The following RNF6 variants were observed in gnomAD, a reference collection of about 807,000 sequenced individuals.
RNF6 encodes the protein ring finger protein 6, also known as E3 ubiquitin-protein ligase RNF6.
Under a neutral mutation model 50.1 loss-of-function variants are expected in RNF6, and 21 were observed. That is an observed-to-expected ratio of 0.42 (90% CI 0.30 to 0.60). The LOEUF is 0.60. Ranked by LOEUF, RNF6 falls within the 20% of genes least tolerant of loss-of-function variation. The probability of loss-of-function intolerance (pLI) is 0.20; values close to 1 mark genes in which losing one functional copy is unlikely to be tolerated. For missense variants in RNF6, 698 were observed against 838.2 expected (o/e 0.83, Z 2.07); for synonymous variants, 255 against 291.8 (o/e 0.87, Z 1.29).
chr13:26,172,934 T>TAA (rs199684096), intron 5 of RNF6, among the ~76,000 whole-genome samples: 1 of 150,622 alleles, frequency 6.6e-6, no homozygotes, highest in Non-Finnish European at 1.5e-5. Flanking sequence ...TAGAAATTAC[T>TAA]AAAAAAAAAT....
intron 5 of RNF6, among the ~76,000 whole-genome samples, chr13:26,160,196 T>C (rs1255137530): frequency 6.6e-6 from 1 of 152,206 alleles, no homozygotes; most frequent in Non-Finnish European, 1.5e-5. Flanking sequence ...ATCTACTTAG[T>C]ATCAAAATTG....
intron 5 of RNF6, among the ~76,000 whole-genome samples, chr13:26,170,350 C>T (rs1289205609): frequency 6.6e-6 from 1 of 152,100 alleles, no homozygotes; most frequent in Non-Finnish European, 1.5e-5. Flanking sequence ...CACTTTGTTA[C>T]CGAAGAATTT....
chr13:26,187,227 G>A (rs1873595986), intron 5 of RNF6, among the ~76,000 whole-genome samples: 1 of 152,230 alleles, frequency 6.6e-6, no homozygotes, highest in South Asian at 2.1e-4. Flanking sequence ...GCGACGTGGG[G>A]CGTCCTAGCC....
Position 26,214,450 on chromosome 13 carries a change from C to T in RNF6, c.1432G>A (p.Val478Met), listed in dbSNP as rs1437407995. ...SENELVEPSS[V>M]ALRSILRQIM... ...TGCCTTAAAATTGACCGAAGAGCCA[C>T]TGATGATGGCTCAACAAGCTCATTC... is the stretch of plus-strand genomic sequence containing the variant. Residue 478 changes from valine to methionine, a missense_variant, in exon 5 of 5, where the codon GTG becomes ATG. Val to Met is a conservative substitution (Grantham distance 21). Coordinates refer to ENST00000381588, the MANE Select transcript of RNF6 (RefSeq NM_005977.4). 3 of 1,614,062 alleles carry T rather than the reference C, an allele frequency of 1.9e-6. No individual in the cohort carries two copies. The highest frequency in any genetic ancestry group is 2.5e-6 in the Non-Finnish European group (3 of 1,180,054).
chr13:26,176,494 G>C (rs1034726294), intron 5 of RNF6, among the ~76,000 whole-genome samples: 1 of 152,308 alleles, frequency 6.6e-6, no homozygotes, highest in South Asian at 2.1e-4. Context: ...GGATTGAATT[G>C]TGTCCTTCAA....
rs140801203 is a variant in RNF6, at chr13:26,214,201, G to A, written c.1681C>T (p.Arg561Ter). The change falls in exon 5 of 5, where the codon CGA becomes TGA. Residue 561 changes from arginine to a stop codon, truncating the protein, a stop_gained. Transcript: ENST00000381588. LOFTEE classifies it high-confidence loss of function. Reference sequence around the variant, plus strand: ...CTGCCACCCCTACTGTCACTGTTTCGAGTATGAGGCTGGGTGGTCTCGTTT... The same window carrying A: ...CTGCCACCCCTACTGTCACTGTTTCAAGTATGAGGCTGGGTGGTCTCGTTT... The part of the protein sequence containing the change: ...GENETTQPHT[R>*]NSDSRGGRQL... 4 of 1,614,148 alleles carry A rather than the reference G, an allele frequency of 2.5e-6. No homozygotes were observed. The highest frequency in any genetic ancestry group is 1.7e-6 in the Non-Finnish European group (2 of 1,180,024).
chr13:26,157,774 A>G (rs553584832), intron 5 of RNF6, among the ~76,000 whole-genome samples: 1 of 152,320 alleles, frequency 6.6e-6, no homozygotes, highest in Admixed American at 6.5e-5. Context: ...AGATTATTTG[A>G]CACTTGTATA....
rs906269297 is a variant in RNF6, at chr13:26,171,175, A to G, written n.769-38724T>C. Among the ~76,000 whole-genome samples, 3 of 152,346 alleles carry G rather than the reference A, an allele frequency of 2.0e-5. No individual in the cohort carries two copies. The South Asian group carries it at 6.2e-4, about 32-fold the overall frequency. ...TGTATCTGATAAGAGCTTAATTTCT[A>G]TAATATATTAAAATCTCCTACAGCT... On this transcript the variant is annotated intron_variant and non_coding_transcript_variant, in intron 5 of 5. Transcript: ENST00000468480.
chr13:26,155,163 G>A (rs1871847118), intron 5 of RNF6, among the ~76,000 whole-genome samples: 1 of 151,996 alleles, frequency 6.6e-6, no homozygotes. Flanking sequence ...TTTAAATCTG[G>A]GAGGCTGAGG....
At chr13:26,173,941 C>T (rs1193394656) in intron 5 of RNF6, among the ~76,000 whole-genome samples, 2 of 120,418 alleles carry the variant, frequency 1.7e-5, no homozygotes, top group Non-Finnish European at 3.4e-5. Flanking sequence ...CAGAGCGAGA[C>T]TCCGTCTCAA....
intron 5 of RNF6, among the ~76,000 whole-genome samples, chr13:26,163,008 T>G (rs950584191): frequency 3.9e-5 from 6 of 152,168 alleles, no homozygotes; most frequent in Admixed American, 3.3e-4. Context: ...TATCTCTGAG[T>G]TTCAACAATT....
In RNF6 at chr13:26,218,167, A is replaced by C. The variant is rs188693203; in HGVS notation, c.289+344T>G. Among the ~76,000 whole-genome samples, 639 of 152,324 alleles carry C rather than the reference A, an allele frequency of 4.2e-3. 16 individuals are homozygous for C. The highest frequency in any genetic ancestry group is 9.1e-4 in the Non-Finnish European group (62 of 68,030). ...AGGTTTCCTAACTCAGTCTTTCTACACGGTTCTGTATATAAATTTTTAGAA... is the reference window on the plus strand; with the variant it reads ...AGGTTTCCTAACTCAGTCTTTCTACCCGGTTCTGTATATAAATTTTTAGAA... On this transcript the variant is annotated intron_variant, in intron 4 of 4. Coordinates refer to ENST00000381588, the MANE Select transcript of RNF6 (RefSeq NM_005977.4).
chr13:26,220,168 C>T (rs907801638), intron 2 of RNF6, among the ~76,000 whole-genome samples: 2 of 152,204 alleles, frequency 1.3e-5, no homozygotes, highest in Non-Finnish European at 2.9e-5. Flanking sequence ...CCCCACTGCA[C>T]TTTGATGAGG....
rs1870285402 is a variant in RNF6, at chr13:26,219,765, G to A, written c.-18-98C>T. Reference sequence around the variant, plus strand: ...CAGTTTTTCTTAATTTTTAAATGTTGTCCCCTACCCAAATACTGTATTTGC... The same window carrying A: ...CAGTTTTTCTTAATTTTTAAATGTTATCCCCTACCCAAATACTGTATTTGC... On this transcript the variant is annotated intron_variant, in intron 2 of 4. Coordinates refer to ENST00000381588, the MANE Select transcript of RNF6 (RefSeq NM_005977.4). 4 of 1,076,162 alleles carry A rather than the reference G, an allele frequency of 3.7e-6. No homozygotes were observed. The East Asian group carries it at 9.6e-5, about 26-fold the overall frequency. 66.7% of individuals were successfully genotyped at this position (1,076,162 alleles called of 1,614,324 possible).
chr13:26,149,431 C>CA (rs1167233641), intron 5 of RNF6, among the ~76,000 whole-genome samples: 1 of 151,834 alleles, frequency 6.6e-6, no homozygotes, highest in African/African-American at 2.4e-5. Flanking sequence ...ACTAAAAATA[C>CA]AAAAAATTAG....
At chr13:26,139,144 C>T (rs868515527) in intron 5 of RNF6, among the ~76,000 whole-genome samples, 1 of 152,186 alleles carries the variant, frequency 6.6e-6, no homozygotes, top group Non-Finnish European at 1.5e-5. Context: ...GGGGGCTCAC[C>T]TTTTATATGC....
At chr13:26,196,796 TTAAG>T (rs1471041503) in intron 5 of RNF6, among the ~76,000 whole-genome samples, 1 of 151,714 alleles carries the variant, frequency 6.6e-6, no homozygotes, top group Non-Finnish European at 1.5e-5. Flanking sequence ...ACCAGAAATG[TTAAG>T]TAGGTAGGTA....
At chr13:26,184,016 A>AT (rs1873382652) in intron 5 of RNF6, among the ~76,000 whole-genome samples, 1 of 38,570 alleles carries the variant, frequency 2.6e-5, no homozygotes, top group African/African-American at 1.1e-4. Flanking sequence ...ATATATATAT[A>AT]TATTTTTTTT....
intron 5 of RNF6, among the ~76,000 whole-genome samples, chr13:26,133,058 G>C (rs1323013631): frequency 6.6e-6 from 1 of 152,134 alleles, no homozygotes; most frequent in East Asian, 1.9e-4. Context: ...CAGCTTTACA[G>C]ACAGAGAAGA....
Sources: gnomAD v4.1 joint callset for allele counts (sites outside exome capture counted in the v4.1 genomes callset) on GRCh38, gnomAD v4.1.1 for gene constraint, MANE v1.5 for transcripts, NCBI Gene and HGNC (gene_info 2026-07-23, HGNC 2026-07-21) for gene names.